The following GPRC5B variants were observed in gnomAD, a reference collection of about 807,000 sequenced individuals.
The protein encoded by GPRC5B is G protein-coupled receptor class C group 5 member B, also known as G protein-coupled receptor family C group 5 member B.
GPRC5B carries 16 observed loss-of-function variants against 30.1 expected under a neutral mutation model. The ratio of observed to expected loss-of-function variants is 0.53; its 90% confidence interval spans 0.36 to 0.81. The LOEUF is 0.81. GPRC5B is among the 30% of genes least tolerant of loss of function. The pLI, the probability that GPRC5B is intolerant of heterozygous loss-of-function variation, is 0.01. For synonymous variants in GPRC5B, 241 were observed against 239.5 expected, an observed-to-expected ratio of 1.01 and a Z score of -0.06; for missense variants, 428 against 544.7, an observed-to-expected ratio of 0.79 and a Z score of 2.13.
rs1408884327 is a variant in GPRC5B, at chr16:19,872,825, T to G, written c.21A>C (p.Arg7Ser). The G allele has an allele frequency of 1.2e-6, 2 of 1,612,398 alleles. No individual in the cohort carries two copies. The highest frequency in any genetic ancestry group is 1.7e-6 in the Non-Finnish European group (2 of 1,178,970). ...TGAGCACCTGGTGAGCTCTCATCTT[T>G]CTCTCTGATGCCACGAACATTCTAG... MFVASE[R>S]KMRAHQVLTF... The change falls in exon 2 of 4, where the codon AGA becomes AGC. Residue 7 changes from arginine to serine, a missense_variant. Arg to Ser is a moderately radical substitution (Grantham distance 110). This residue lies in a region of GPRC5B where 196 missense variants were observed against 272.6 expected (regional missense o/e 0.72). Transcript: ENST00000300571. This position sits in a 1 kb window ranked among gnomAD's most constrained non-coding sequence, Gnocchi z 5.0.
intron 1 of GPRC5B, among the ~76,000 whole-genome samples, chr16:19,878,486 G>A (rs1429186501): frequency 6.6e-6 from 1 of 151,870 alleles, no homozygotes; most frequent in Non-Finnish European, 1.5e-5. Context: ...AGAGACGGAG[G>A]TTTTGCCATG....
chr16:19,866,590 G>T (rs1289956482), intron 2 of GPRC5B, among the ~76,000 whole-genome samples: 6 of 151,256 alleles, frequency 4.0e-5, no homozygotes, highest in African/African-American at 1.2e-4. Context: ...ACGTTGCCCA[G>T]GTTGGTCTCC....
At chr16:19,875,120 G>T (rs1215439570) in intron 1 of GPRC5B, among the ~76,000 whole-genome samples, 1 of 152,180 alleles carries the variant, frequency 6.6e-6, no homozygotes. Flanking sequence ...TCCTGCCCTG[G>T]CTGTGAGGCT....
chr16:19,883,784 T>A (rs1350962911), intron 1 of GPRC5B, among the ~76,000 whole-genome samples: 1 of 152,190 alleles, frequency 6.6e-6, no homozygotes, highest in Non-Finnish European at 1.5e-5. Context: ...GGCCTGGGTG[T>A]GACAGAGCAA....
intron 1 of GPRC5B, among the ~76,000 whole-genome samples, chr16:19,873,632 C>T (rs923453908): frequency 6.6e-6 from 1 of 152,156 alleles, no homozygotes; most frequent in Non-Finnish European, 1.5e-5. Context: ...ACATCCAGTC[C>T]TCACAATGCC....
At chr16:19,864,689 C>T (rs2056652783) in intron 2 of GPRC5B, among the ~76,000 whole-genome samples, 1 of 152,244 alleles carries the variant, frequency 6.6e-6, no homozygotes, top group Admixed American at 6.5e-5. Flanking sequence ...ACCGGCGATT[C>T]TGTGAGACCC....
At chr16:19,876,803 G>A (rs1232253587) in intron 1 of GPRC5B, among the ~76,000 whole-genome samples, 2 of 152,232 alleles carry the variant, frequency 1.3e-5, no homozygotes, top group Non-Finnish European at 2.9e-5. Context: ...TTCCGGGACA[G>A]CTGTTGTTTT....
rs1482722985 is a variant in GPRC5B, at chr16:19,872,804, C to A, written c.42G>T (p.Val14=). 6.2e-7 allele frequency: 1 copy of A among 1,613,832 alleles called. No homozygotes were observed. The highest frequency in any genetic ancestry group is 1.7e-5 in the Admixed American group (1 of 60,018). The change falls in exon 2 of 4, where the codon GTG becomes GTT. Residue 14 remains valine (V), a synonymous_variant. Coordinates refer to ENST00000300571, the MANE Select transcript of GPRC5B (RefSeq NM_016235.3). The surrounding 1 kb of genome is among the most constrained non-coding windows in gnomAD (Gnocchi z 5.0). ...ASERKMRAHQ[V]LTFLLLFVIT... is the part of the protein sequence containing the mutation. ...TCACGAAGAGCAGGAGGAAGGTGAG[C>A]ACCTGGTGAGCTCTCATCTTTCTCT...
Position 19,857,745 on chromosome 16 carries a change from T to TA in GPRC5B, c.*2754dup, listed in dbSNP as rs397937342. Reference sequence around the variant, plus strand: ...CAGTGGGTCCTGACGGCATCTGGGCTAAAAAAAAAAAAAAAAAAAAGCACT... The same window carrying TA: ...CAGTGGGTCCTGACGGCATCTGGGCTAAAAAAAAAAAAAAAAAAAAAGCACT... On this transcript the variant is annotated 3_prime_UTR_variant, in exon 4 of 4. Coordinates refer to ENST00000300571, the MANE Select transcript of GPRC5B (RefSeq NM_016235.3). The TA allele has an allele frequency of 0.17, 17,044 of 98,500 alleles. 1,609 individuals carry two copies. Among genetic ancestry groups the TA allele is most frequent in the Non-Finnish European group, 0.25 (12,462 of 49,160 alleles). 6.1% of individuals were successfully genotyped at this position (98,500 alleles called of 1,614,324 possible).
chr16:19,861,263 A>T (rs2056620501), intron 3 of GPRC5B, among the ~76,000 whole-genome samples: 1 of 152,202 alleles, frequency 6.6e-6, no homozygotes, highest in Non-Finnish European at 1.5e-5. Flanking sequence ...GGATTGCTGG[A>T]GAAACAAAAT....
chr16:19,883,660 T>A (rs1299070865), intron 1 of GPRC5B, among the ~76,000 whole-genome samples: 2 of 152,226 alleles, frequency 1.3e-5, no homozygotes, highest in African/African-American at 2.4e-5. Flanking sequence ...ATGTGGCGCG[T>A]GGGCTGGGGC....
chr16:19,877,863 A>G (rs1361564321), intron 1 of GPRC5B, among the ~76,000 whole-genome samples: 1 of 152,158 alleles, frequency 6.6e-6, no homozygotes, highest in Non-Finnish European at 1.5e-5. Context: ...AGAGTCCCAG[A>G]AGTGCCACTT....
At chr16:19,877,984 A>G (rs2056771732) in intron 1 of GPRC5B, among the ~76,000 whole-genome samples, 1 of 151,972 alleles carries the variant, frequency 6.6e-6, no homozygotes. Context: ...AGATCATTTA[A>G]GGACAGAAGT....
chr16:19,872,556 A>C lies in GPRC5B; in HGVS notation c.290T>G (p.Phe97Cys), dbSNP rs2056730450. ...GCCCAGGGTCCCCAGGAGGAACAGA[A>C]AGTGGAGGCCCACAGGGCTCTTCTT... Reference protein sequence around the residue: ...KEKKSPVGLHFLFLLGTLGLF... With the variant: ...KEKKSPVGLHCLFLLGTLGLF... Residue 97 changes from phenylalanine to cysteine, a missense_variant, in exon 2 of 4, where the codon TTT becomes TGT. Physicochemically the swap from Phe to Cys is radical, Grantham distance 205 (BLOSUM62 -2). Around this residue, in one of 3 missense-constraint regions of GPRC5B, gnomAD observed 196 missense variants for 272.6 expected, o/e 0.72. Transcript: ENST00000300571. The surrounding 1 kb of genome is among the most constrained non-coding windows in gnomAD (Gnocchi z 5.0). The C allele has an allele frequency of 6.2e-7, 1 of 1,614,030 alleles. No individual in the cohort carries two copies. Among genetic ancestry groups the C allele is most frequent in the Non-Finnish European group, 8.5e-7 (1 of 1,179,998 alleles).
At position 19,860,165 on chromosome 16, in the gene GPRC5B, T is replaced by C. The variant is rs1249593181; in HGVS notation, c.*335A>G. 2.2e-5 allele frequency: 5 copies of C among 228,158 alleles called. No homozygotes were observed. The Admixed American group carries it at 2.9e-4, about 13-fold the overall frequency. 14.1% of individuals were successfully genotyped at this position (228,158 alleles called of 1,614,324 possible). On this transcript the variant is annotated 3_prime_UTR_variant, in exon 4 of 4. Transcript: ENST00000300571. ...GGCCCACCAGCTGTGAATTTGGTTC[T>C]GTTCTACCCCCAGAGGATGAAACAG... is the stretch of plus-strand genomic sequence containing the variant.
chr16:19,872,486 G>T lies in GPRC5B; in HGVS notation c.360C>A (p.Thr120=). 6.2e-7 allele frequency: 1 copy of T among 1,613,786 alleles called. No individual in the cohort carries two copies. Among genetic ancestry groups the T allele is most frequent in the Non-Finnish European group, 8.5e-7 (1 of 1,179,758 alleles). The change falls in exon 2 of 4, where the codon ACC becomes ACA. Residue 120 remains threonine, a synonymous_variant. Transcript: ENST00000300571. The surrounding 1 kb of genome is among the most constrained non-coding windows in gnomAD (Gnocchi z 5.0). ...AGAGGAAGCGGCGGACAGAGCAGATGGTCTCGTCCTCCTGGATGATGAAGG... is the reference window on the plus strand; with the variant it reads ...AGAGGAAGCGGCGGACAGAGCAGATTGTCTCGTCCTCCTGGATGATGAAGG... ...TFAFIIQEDE[T]ICSVRRFLWG...
chr16:19,884,791 GCGCGGC>G lies in GPRC5B; in HGVS notation c.-72_-67del. 1.3e-5 allele frequency: 13 copies of G among 984,128 alleles called. No individual in the cohort carries two copies. The highest frequency in any genetic ancestry group is 1.6e-5 in the Non-Finnish European group (13 of 829,350). The allele number at this position is 984,128 out of a possible 1,614,324, so 61.0% of individuals were successfully genotyped here. ...CTTCGGCCCGAGTCACATCTCTGCGGCGCGGCCGCGGCCCCCGCTCCACGCACGCCC... is the reference window on the plus strand; with the variant it reads ...CTTCGGCCCGAGTCACATCTCTGCGGCGCGGCCCCCGCTCCACGCACGCCC... On this transcript the variant is annotated 5_prime_UTR_variant, in exon 1 of 4. Transcript: ENST00000300571.
At chr16:19,865,109 A>G (rs957184205) in intron 2 of GPRC5B, among the ~76,000 whole-genome samples, 2 of 151,250 alleles carry the variant, frequency 1.3e-5, no homozygotes, top group South Asian at 2.1e-4. Context: ...GGGTCTCCCT[A>G]TGCTACTCAG....
In GPRC5B at chr16:19,861,823, A is replaced by G; in HGVS notation, c.1167+14T>C. 1 of 1,611,264 alleles carries G rather than the reference A, an allele frequency of 6.2e-7. No homozygotes were observed. The highest frequency in any genetic ancestry group is 8.5e-7 in the Non-Finnish European group (1 of 1,178,410). ...CCTAGGCTTCCTACCCCCACATCAC[A>G]TCTTGATACTTACGGTCCCACCGTT... is the stretch of plus-strand genomic sequence containing the variant. On this transcript the variant is annotated intron_variant, in intron 3 of 3. Transcript: ENST00000300571.
Sources: gnomAD v4.1 joint callset for allele counts (sites outside exome capture counted in the v4.1 genomes callset) on GRCh38, gnomAD v4.1.1 for gene constraint, gnomAD v4.1.1 regional missense constraint, Gnocchi (gnomAD v3.1) non-coding constraint, MANE v1.5 for transcripts, NCBI Gene and HGNC (gene_info 2026-07-23, HGNC 2026-07-21) for gene names.